Variants in TBC1D10A observed in about 807,000 individuals in gnomAD.
The protein encoded by TBC1D10A is TBC1 domain family member 10A, also known as EBP50-PDX interactor of 64 kDa.
A neutral mutation model predicts 52.9 loss-of-function variants in TBC1D10A; 24 were observed. The ratio of observed to expected loss-of-function variants is 0.45; its 90% confidence interval spans 0.33 to 0.64. The LOEUF (loss-of-function observed/expected upper bound fraction) is 0.64, where lower values mean the gene tolerates loss of function less well. Ranked by LOEUF, TBC1D10A falls within the 30% of genes least tolerant of loss-of-function variation. The probability of loss-of-function intolerance (pLI) is 0.02; values close to 1 mark genes in which losing one functional copy is unlikely to be tolerated. For missense variants in TBC1D10A, 602 were observed against 687.9 expected (o/e 0.88, Z 1.40); for synonymous variants, 278 against 282.9 (o/e 0.98, Z 0.17).
At chr22:30,309,708 A>C (rs1323492217) in intron 1 of TBC1D10A, among the ~76,000 whole-genome samples, 1 of 152,210 alleles carries the variant, frequency 6.6e-6, no homozygotes, top group Non-Finnish European at 1.5e-5. Flanking sequence ...GTAGGTTCCC[A>C]GTTTCCTAGC....
chr22:30,309,054 T>C (rs1005705605), intron 1 of TBC1D10A, among the ~76,000 whole-genome samples: 3 of 152,186 alleles, frequency 2.0e-5, no homozygotes, highest in African/African-American at 7.2e-5. Flanking sequence ...CTTCTCCAGA[T>C]GCTTCTGTGT....
chr22:30,304,661 G>A (rs759826803), intron 1 of TBC1D10A, 31 bp from the exon 2 acceptor site: 2 of 1,608,018 alleles, frequency 1.2e-6, no homozygotes, highest in South Asian at 1.1e-5. Context: ...CCTGTGAGAG[G>A]TGCCAAGGGA....
intron 1 of TBC1D10A, among the ~76,000 whole-genome samples, chr22:30,320,392 G>C (rs1168308431): frequency 6.6e-6 from 1 of 152,046 alleles, no homozygotes; most frequent in Non-Finnish European, 1.5e-5. Flanking sequence ...TCCTGCCCTG[G>C]GTGTGGGGAC....
At chr22:30,304,785 A>G in intron 1 of TBC1D10A, 155 bp from the exon 2 acceptor site, 3 of 1,371,710 alleles carry the variant, frequency 2.2e-6, no homozygotes, top group Non-Finnish European at 2.9e-6. Context: ...CCTATTGCAG[A>G]TGAGAGGGAA....
At chr22:30,306,576 A>AT (rs1166865618) in intron 1 of TBC1D10A, among the ~76,000 whole-genome samples, 3 of 152,338 alleles carry the variant, frequency 2.0e-5, no homozygotes, top group Non-Finnish European at 2.9e-5. Flanking sequence ...GACACCACTG[A>AT]TTTTAAGCTA....
intron 7 of TBC1D10A, 27 bp downstream of exon 7, chr22:30,293,894 G>C (rs1425711704): frequency 6.2e-7 from 1 of 1,606,540 alleles, no homozygotes; most frequent in Non-Finnish European, 8.5e-7. Context: ...GGGGACAGGG[G>C]TGCTCCCCCC....
chr22:30,313,358 TG>T (rs1930465892), intron 1 of TBC1D10A, among the ~76,000 whole-genome samples: 3 of 67,352 alleles, frequency 4.5e-5, no homozygotes, highest in Non-Finnish European at 1.3e-4. Context: ...TGTGTGTGTG[TG>T]TGTGTGTGTG....
intron 1 of TBC1D10A, among the ~76,000 whole-genome samples, chr22:30,307,551 C>T (rs1028270151): frequency 6.6e-6 from 1 of 152,184 alleles, no homozygotes; most frequent in Non-Finnish European, 1.5e-5. Flanking sequence ...CAGGCACACA[C>T]ATGTTTATCC....
chr22:30,292,867 C>G lies in TBC1D10A; in HGVS notation c.1051-16G>C. On this transcript the variant is annotated splice_polypyrimidine_tract_variant and intron_variant, in intron 8 of 8. Coordinates refer to ENST00000215790, the MANE Select transcript of TBC1D10A (RefSeq NM_031937.3). ...ACTCCACCACCTGCAGGGGCAGTGA[C>G]ACAGGCAAGTGGACACCAAGAAGAA... 1.2e-6 allele frequency: 2 copies of G among 1,610,222 alleles called. No homozygotes were observed. The highest frequency in any genetic ancestry group is 1.7e-6 in the Non-Finnish European group (2 of 1,179,660).
chr22:30,322,894 CTTT>C (rs34264567), intron 1 of TBC1D10A, among the ~76,000 whole-genome samples: 15 of 131,416 alleles, frequency 1.1e-4, no homozygotes, highest in Admixed American at 1.5e-4. Context: ...AGCACCTAGT[CTTT>C]TTTTTTTTTT....
At chr22:30,313,901 C>A (rs905538814) in intron 1 of TBC1D10A, among the ~76,000 whole-genome samples, 2 of 152,090 alleles carry the variant, frequency 1.3e-5, no homozygotes, top group Admixed American at 6.6e-5. Flanking sequence ...CAGCACAGGG[C>A]TGAGCACAGA....
At chr22:30,304,945 C>A (rs1930281536) in intron 1 of TBC1D10A, among the ~76,000 whole-genome samples, 1 of 152,246 alleles carries the variant, frequency 6.6e-6, no homozygotes, top group African/African-American at 2.4e-5. Flanking sequence ...CAAAGCAAAG[C>A]ATTCCTGTCC....
chr22:30,295,164 GA>G, intron 4 of TBC1D10A, 109 bp from the exon 5 acceptor site: 3 of 1,046,478 alleles, frequency 2.9e-6, no homozygotes, highest in Non-Finnish European at 4.2e-6. Context: ...CCTCCCTTGA[GA>G]GGGAAGGTGA....
At position 30,292,789 on chromosome 22, in the gene TBC1D10A, G is replaced by A. The variant is rs2145759784; in HGVS notation, c.1113C>T (p.Arg371=). The part of the protein sequence containing the change: ...IEREHLIQLR[R]WQETRGELQC... ...GCAGCTCACCCCGGGTCTCCTGCCA[G>A]CGCCGCAGCTGAATGAGGTGTTCGC... The change falls in exon 9 of 9, where the codon CGC becomes CGT. Residue 371 remains arginine, a synonymous_variant. Coordinates refer to ENST00000215790, the MANE Select transcript of TBC1D10A (RefSeq NM_031937.3). 6.2e-7 allele frequency: 1 copy of A among 1,612,196 alleles called. No homozygotes were observed. The highest frequency in any genetic ancestry group is 2.2e-5 in the East Asian group (1 of 44,880).
intron 3 of TBC1D10A, 88 bp downstream of exon 3, chr22:30,299,356 G>T: frequency 7.7e-7 from 1 of 1,307,026 alleles, no homozygotes. Context: ...ATCCTGTGAG[G>T]TTCAGGTGAG....
At position 30,326,681 on chromosome 22, in the gene TBC1D10A, G is replaced by A. The variant is rs767701770; in HGVS notation, c.201C>T (p.Ala67=). 2.6e-6 allele frequency: 4 copies of A among 1,551,132 alleles called. No individual in the cohort carries two copies. In the African/African-American group the frequency reaches 5.7e-5, roughly 22 times the overall value. ...CCCCCGGCGCTACTCACGCGCCCTC[G>A]GCGCCCTGCGAGCCCACGATGAAGC... The part of the protein sequence containing the change: ...KFGFIVGSQG[A]EGALEEVPLE... The change falls in exon 1 of 9, where the codon GCC becomes GCT. Residue 67 remains alanine, a synonymous_variant. Coordinates refer to ENST00000215790, the MANE Select transcript of TBC1D10A (RefSeq NM_031937.3).
chr22:30,306,057 C>T (rs573556846), intron 1 of TBC1D10A, among the ~76,000 whole-genome samples: 4 of 152,338 alleles, frequency 2.6e-5, no homozygotes, highest in African/African-American at 9.6e-5. Flanking sequence ...AACCCCCAAA[C>T]ATCCCAGGAG....
chr22:30,308,439 C>T (rs1045873569), intron 1 of TBC1D10A, among the ~76,000 whole-genome samples: 1 of 150,972 alleles, frequency 6.6e-6, no homozygotes, highest in Non-Finnish European at 1.5e-5. Context: ...GAGACCCACA[C>T]AAACACAACA....
Position 30,304,644 on chromosome 22 carries a change from G to A in TBC1D10A, c.210-14C>T, listed in dbSNP as rs368270447. 16 of 1,613,056 alleles carry A rather than the reference G, an allele frequency of 9.9e-6. No homozygotes were observed. The African/African-American group carries it at 1.9e-4, about 19-fold the overall frequency. ...ACTTCCTCCAGCCTGTGGAGCAGAGGGCAGGGCCTGTGAGAGGTGCCAAGG... is the reference window on the plus strand; with the variant it reads ...ACTTCCTCCAGCCTGTGGAGCAGAGAGCAGGGCCTGTGAGAGGTGCCAAGG... On this transcript the variant is annotated splice_polypyrimidine_tract_variant and intron_variant, in intron 1 of 8. Coordinates refer to ENST00000215790, the MANE Select transcript of TBC1D10A (RefSeq NM_031937.3).
Sources: allele counts gnomAD v4.1 joint callset (sites outside exome capture counted in the v4.1 genomes callset), GRCh38; gene constraint gnomAD v4.1.1; transcripts MANE v1.5; gene names NCBI Gene and HGNC (gene_info 2026-07-23, HGNC 2026-07-21).